The following ATRX variants were observed in gnomAD, a reference collection of about 807,000 sequenced individuals.
ATRX encodes the protein chromatin remodeler ATRX.
A neutral mutation model predicts 172.6 loss-of-function variants in ATRX; 12 were observed. That is an observed-to-expected ratio of 0.07 (90% CI 0.04 to 0.11). The LOEUF is 0.11. Ranked by LOEUF, ATRX falls within the 10% of genes least tolerant of loss-of-function variation. The pLI, the probability that ATRX is intolerant of heterozygous loss-of-function variation, is 1.00. For missense variants in ATRX, 1,368 were observed against 1,767.4 expected (o/e 0.77, Z 4.05); for synonymous variants, 674 against 594.7 (o/e 1.13, Z -1.94).
intron 2 of ATRX, among the ~76,000 whole-genome samples, chrX:77,704,930 G>T (rs782815375): frequency 8.9e-6 from 1 of 111,844 alleles, no homozygotes; most frequent in Admixed American, 9.4e-5. Context: ...ACCCAGTGGG[G>T]CAGGGCTCCT....
chrX:77,701,529 CT>C (rs1389736414), intron 2 of ATRX, among the ~76,000 whole-genome samples: 1 of 108,608 alleles, frequency 9.2e-6, no homozygotes, highest in African/African-American at 3.4e-5. Flanking sequence ...AAAAAAAAAT[CT>C]TTTTTCTAAT....
At chrX:77,732,218 AG>A (rs1180732287) in intron 1 of ATRX, among the ~76,000 whole-genome samples, 1 of 111,451 alleles carries the variant, frequency 9.0e-6, no homozygotes, top group Admixed American at 9.6e-5. Flanking sequence ...GTCCCTGCAC[AG>A]GGCTTGCTGC....
intron 15 of ATRX, among the ~76,000 whole-genome samples, chrX:77,643,286 A>C (rs1436327397): frequency 1.2e-4 from 13 of 110,045 alleles, no homozygotes; most frequent in African/African-American, 4.3e-4. Context: ...CACACACACA[A>C]AACAACTGCA....
chrX:77,771,557 C>T (rs2076154280), intron 1 of ATRX, among the ~76,000 whole-genome samples: 1 of 108,696 alleles, frequency 9.2e-6, no homozygotes, highest in African/African-American at 3.4e-5. Context: ...CTCCTCAGCA[C>T]ATTTCCCCCC....
rs781811223 is a variant in ATRX, at chrX:77,537,042, T to C, written c.6700-13641A>G. 7.1e-5 allele frequency among the ~76,000 whole-genome samples: 8 copies of C among 112,037 alleles called. No homozygotes were observed. In the South Asian group the frequency reaches 3.0e-3, roughly 42 times the overall value. ...ACATGTGACTACTGAGTATCTGAAG[T>C]GTGACTAATGTGATGGAGAAACTGA... On this transcript the variant is annotated intron_variant, in intron 30 of 34. Coordinates refer to ENST00000373344, the MANE Select transcript of ATRX (RefSeq NM_000489.6).
intron 25 of ATRX, chrX:77,595,053 T>C (rs1259166910): frequency 8.9e-6 from 1 of 112,054 alleles, no homozygotes; most frequent in Admixed American, 9.5e-5. Context: ...TTTTCTTAAA[T>C]ATTGTGTATT....
In ATRX at chrX:77,683,233, A is replaced by C; in HGVS notation, c.2023T>G (p.Ser675Ala). 8.3e-7 allele frequency: 1 copy of C among 1,210,948 alleles called. No homozygotes were observed. Among genetic ancestry groups the C allele is most frequent in the Non-Finnish European group, 1.1e-6 (1 of 895,107 alleles). ...TCATTACATTCTTCATCTGAATTAGATGTTACAGGGTTAGTTTCTGTCGGT... is the reference window on the plus strand; with the variant it reads ...TCATTACATTCTTCATCTGAATTAGCTGTTACAGGGTTAGTTTCTGTCGGT... ...RRPTETNPVT[S>A]NSDEECNETV... Residue 675 changes from serine to alanine, a missense_variant, in exon 9 of 35, where the codon TCT becomes GCT. Physicochemically the swap from Ser to Ala is moderately conservative, Grantham distance 99. This residue lies in a region of ATRX where 843 missense variants were observed against 643.1 expected (regional missense o/e 1.31). Coordinates refer to ENST00000373344, the MANE Select transcript of ATRX (RefSeq NM_000489.6).
chrX:77,719,729 T>C (rs782147156), intron 1 of ATRX, among the ~76,000 whole-genome samples: 1 of 111,174 alleles, frequency 9.0e-6, no homozygotes, highest in Non-Finnish European at 1.9e-5. Flanking sequence ...CACACAATAA[T>C]AGTGGGAGAT....
In ATRX at chrX:77,563,702, CGTGTGTGT is replaced by C. The variant is rs201190876; in HGVS notation, c.6327-4864_6327-4857del. 7.3e-3 allele frequency among the ~76,000 whole-genome samples: 699 copies of C among 95,466 alleles called. 1 individual carries two copies. The highest frequency in any genetic ancestry group is 0.012 in the Admixed American group (105 of 8,482). The allele number at this position is 95,466 out of a possible 115,157, so 82.9% of individuals were successfully genotyped here. The stretch of plus-strand genomic sequence containing the variant: ...GGAGTTAAGAACTTGTGTGTACATG[CGTGTGTGT>C]GTGTGTGTGTGTGTGTGTGTGTGTG... On this transcript the variant is annotated intron_variant, in intron 28 of 34. Coordinates refer to ENST00000373344, the MANE Select transcript of ATRX (RefSeq NM_000489.6).
chrX:77,677,161 T>C (rs1322359703), intron 9 of ATRX, among the ~76,000 whole-genome samples: 2 of 110,989 alleles, frequency 1.8e-5, no homozygotes, highest in Admixed American at 1.9e-4. Context: ...CATTTCATTC[T>C]ATATAAATTT....
intron 1 of ATRX, among the ~76,000 whole-genome samples, chrX:77,778,313 T>A: frequency 9.6e-6 from 1 of 104,197 alleles, no homozygotes; most frequent in African/African-American, 3.6e-5. Context: ...GAGGCTCAGG[T>A]GGGAGGATCA....
At chrX:77,748,788 T>A (rs1310054459) in intron 1 of ATRX, among the ~76,000 whole-genome samples, 1 of 110,053 alleles carries the variant, frequency 9.1e-6, no homozygotes, top group Admixed American at 9.8e-5. Context: ...GATTTCGCCA[T>A]GTTGGCCAGG....
At position 77,682,430 on chromosome X, in the gene ATRX, A is replaced by T. The variant is rs782329061; in HGVS notation, c.2826T>A (p.Thr942=). The part of the protein sequence containing the change: ...TSLEVRKVAE[T]KEKSKHLKTK... ...TTTTGAGATGCTTGCTCTTTTCTTTAGTTTCAGCAACTTTTCTAACTTCCA... is the reference window on the plus strand; with the variant it reads ...TTTTGAGATGCTTGCTCTTTTCTTTTGTTTCAGCAACTTTTCTAACTTCCA... The change falls in exon 9 of 35, where the codon ACT becomes ACA. Residue 942 remains threonine (T), a synonymous_variant. Coordinates refer to ENST00000373344, the MANE Select transcript of ATRX (RefSeq NM_000489.6). 1.7e-6 allele frequency: 2 copies of T among 1,209,104 alleles called. No homozygotes were observed. The highest frequency in any genetic ancestry group is 5.9e-5 in the East Asian group (2 of 33,720).
At chrX:77,542,084 A>T (rs1487432527) in intron 30 of ATRX, among the ~76,000 whole-genome samples, 3 of 112,020 alleles carry the variant, frequency 2.7e-5, no homozygotes, top group Non-Finnish European at 5.6e-5. Context: ...CTCAGCCCAA[A>T]ATCTCCTTAA....
intron 1 of ATRX, among the ~76,000 whole-genome samples, chrX:77,766,222 G>A (rs1264664310): frequency 8.9e-6 from 1 of 112,739 alleles, no homozygotes; most frequent in Non-Finnish European, 1.9e-5. Context: ...CCCAGACGGG[G>A]TGGTGGCCGG....
intron 1 of ATRX, among the ~76,000 whole-genome samples, chrX:77,718,255 T>C (rs782567146): frequency 2.8e-5 from 3 of 109,037 alleles, no homozygotes; most frequent in African/African-American, 6.7e-5. Context: ...CTGCTTGACA[T>C]AGAAGAACTG....
chrX:77,664,519 G>A, intron 11 of ATRX, 126 bp downstream of exon 11: 1 of 962,066 alleles, frequency 1.0e-6, no homozygotes, highest in Non-Finnish European at 1.4e-6. Flanking sequence ...CCAAAGTCCT[G>A]AGATTATAGG....
chrX:77,522,001 G>A (rs2063246382), intron 32 of ATRX: 3 of 317,219 alleles, frequency 9.5e-6, no homozygotes, highest in South Asian at 1.0e-4. Context: ...TTTCCCAAGC[G>A]AGTCAGCAGC....
At chrX:77,540,630 C>A (rs149706762) in intron 30 of ATRX, among the ~76,000 whole-genome samples, 1 of 111,748 alleles carries the variant, frequency 8.9e-6, no homozygotes, top group African/African-American at 3.3e-5. Context: ...CAGAACACAG[C>A]GCAATCAAAT....
Sources: gnomAD v4.1 joint callset for allele counts (sites outside exome capture counted in the v4.1 genomes callset) on GRCh38, gnomAD v4.1.1 for gene constraint, gnomAD v4.1.1 regional missense constraint, MANE v1.5 for transcripts, NCBI Gene and HGNC (gene_info 2026-07-23, HGNC 2026-07-21) for gene names.